The following TTC28 variants were observed in gnomAD, a reference collection of about 807,000 sequenced individuals.
The protein encoded by TTC28 is tetratricopeptide repeat domain 28.
Under a neutral mutation model 198.0 loss-of-function variants are expected in TTC28, and 61 were observed. The observed-to-expected ratio is 0.31, with a 90% CI of 0.25 to 0.38. The LOEUF (loss-of-function observed/expected upper bound fraction) is 0.38. Among genes scored for constraint, TTC28 ranks in the 10% least tolerant of loss-of-function variants. The pLI is 1.00. For synonymous variants in TTC28, 1,171 were observed against 1,297.8 expected (o/e 0.90, Z 2.10); for missense variants, 2,678 against 3,164.0 (o/e 0.85, Z 3.69).
chr22:28,530,499 A>T (rs1327714378), intron 2 of TTC28, among the ~76,000 whole-genome samples: 1 of 152,232 alleles, frequency 6.6e-6, no homozygotes, highest in Non-Finnish European at 1.5e-5. Flanking sequence ...GATATTATCC[A>T]GGAGAACTTC....
chr22:28,139,934 C>A (rs1387049282), intron 6 of TTC28, among the ~76,000 whole-genome samples: 1 of 152,158 alleles, frequency 6.6e-6, no homozygotes, highest in African/African-American at 2.4e-5. Flanking sequence ...ACTATAGTCA[C>A]CCACATAATT....
At chr22:28,534,346 A>C (rs1157701404) in intron 2 of TTC28, among the ~76,000 whole-genome samples, 12 of 152,246 alleles carry the variant, frequency 7.9e-5, no homozygotes, top group African/African-American at 2.7e-4. Context: ...AGAAATGCAA[A>C]TAAAAACCAC....
At chr22:28,252,971 T>C (rs1930634202) in intron 5 of TTC28, among the ~76,000 whole-genome samples, 1 of 152,198 alleles carries the variant, frequency 6.6e-6, no homozygotes, top group Admixed American at 6.5e-5. Flanking sequence ...AGCTATAGTT[T>C]GTTTTTTTCC....
intron 5 of TTC28, among the ~76,000 whole-genome samples, chr22:28,205,866 T>C (rs1278157249): frequency 6.6e-6 from 1 of 152,008 alleles, no homozygotes; most frequent in African/African-American, 2.4e-5. Context: ...ACATTGATTT[T>C]CATGAAATAA....
intron 12 of TTC28, among the ~76,000 whole-genome samples, chr22:28,060,319 T>G (rs780159714): frequency 3.9e-5 from 6 of 152,166 alleles, no homozygotes; most frequent in African/African-American, 7.2e-5. Flanking sequence ...CATTCTTCAA[T>G]TCCCACCTAT....
chr22:28,190,267 T>C (rs1241811966), intron 5 of TTC28, among the ~76,000 whole-genome samples: 2 of 152,206 alleles, frequency 1.3e-5, no homozygotes, highest in Non-Finnish European at 2.9e-5. Context: ...TTAATGCATT[T>C]AATCTTCACC....
At chr22:28,015,435 A>AG (rs1938331525) in intron 13 of TTC28, among the ~76,000 whole-genome samples, 1 of 145,158 alleles carries the variant, frequency 6.9e-6, no homozygotes, top group South Asian at 2.2e-4. Context: ...AAAAAAAAAA[A>AG]AAAAAAAGAC....
intron 2 of TTC28, among the ~76,000 whole-genome samples, chr22:28,588,149 A>AAAAAC (rs1555897831): frequency 2.6e-5 from 4 of 151,546 alleles, no homozygotes; most frequent in South Asian, 2.1e-4. Context: ...CTCAAAAAAA[A>AAAAAC]AAACAAACAA....
intron 2 of TTC28, among the ~76,000 whole-genome samples, chr22:28,370,628 C>T (rs115972986): frequency 0.016 from 2,411 of 152,056 alleles, 85 homozygotes; most frequent in African/African-American, 0.056. Context: ...TATCCAAAGA[C>T]TTCCCTGAAA....
chr22:28,279,298 CTAAAG>C (rs915011361), intron 5 of TTC28, among the ~76,000 whole-genome samples: 4 of 152,180 alleles, frequency 2.6e-5, no homozygotes, highest in Admixed American at 6.5e-5. Context: ...ATATCACTAA[CTAAAG>C]TATTTATATT....
intron 2 of TTC28, among the ~76,000 whole-genome samples, chr22:28,615,499 C>T (rs1386788979): frequency 6.6e-6 from 1 of 152,130 alleles, no homozygotes; most frequent in Non-Finnish European, 1.5e-5. Context: ...CACATGCACA[C>T]GTATGTTTAT....
At chr22:28,081,545 T>G (rs1314981785) in intron 12 of TTC28, among the ~76,000 whole-genome samples, 1 of 150,146 alleles carries the variant, frequency 6.7e-6, no homozygotes, top group Non-Finnish European at 1.5e-5. Flanking sequence ...TAGGCTGGAG[T>G]GCAGTGACGC....
At chr22:28,223,076 G>C (rs1928011289) in intron 5 of TTC28, among the ~76,000 whole-genome samples, 1 of 152,166 alleles carries the variant, frequency 6.6e-6, no homozygotes, top group Non-Finnish European at 1.5e-5. Context: ...GGAACTGAAA[G>C]GCCCTTCTGT....
intron 5 of TTC28, among the ~76,000 whole-genome samples, chr22:28,191,264 T>C (rs1040041482): frequency 6.6e-6 from 1 of 152,130 alleles, no homozygotes; most frequent in African/African-American, 2.4e-5. Context: ...AATGGAGAAA[T>C]AAAGAATTAC....
chr22:28,320,331 T>C (rs2045426426), intron 2 of TTC28, among the ~76,000 whole-genome samples: 1 of 151,522 alleles, frequency 6.6e-6, no homozygotes, highest in Non-Finnish European at 1.5e-5. Context: ...AGGCACAAGA[T>C]ATGGAAAATT....
intron 16 of TTC28, chr22:27,997,872 G>A (rs926181710): frequency 6.6e-6 from 1 of 152,544 alleles, no homozygotes; most frequent in Admixed American, 6.5e-5. Context: ...GGACCCCAGG[G>A]GAAGCAGGTT....
chr22:28,591,082 T>C (rs1382098592), intron 2 of TTC28, among the ~76,000 whole-genome samples: 1 of 116,848 alleles, frequency 8.6e-6, no homozygotes, highest in Non-Finnish European at 1.8e-5. Context: ...TATATATATA[T>C]ATAGGAATTG....
chr22:28,420,666 C>A (rs1003695272), intron 2 of TTC28, among the ~76,000 whole-genome samples: 3 of 151,560 alleles, frequency 2.0e-5, no homozygotes, highest in African/African-American at 7.3e-5. Context: ...GGCACGCAAT[C>A]TCAGCTCACT....
chr22:28,397,378 G>A (rs2046834901), intron 2 of TTC28, among the ~76,000 whole-genome samples: 1 of 152,226 alleles, frequency 6.6e-6, no homozygotes, highest in Admixed American at 6.5e-5. Context: ...GTACGGAATT[G>A]TCATGAATAA....
Sources: gnomAD v4.1 joint callset for allele counts (sites outside exome capture counted in the v4.1 genomes callset) on GRCh38, gnomAD v4.1.1 for gene constraint, MANE v1.5 for transcripts, NCBI Gene and HGNC (gene_info 2026-07-23, HGNC 2026-07-21) for gene names.